The following VCAN variants were observed in gnomAD, a reference collection of about 807,000 sequenced individuals.
The protein encoded by VCAN is versican, also known as versican core protein.
VCAN carries 44 observed loss-of-function variants against 245.5 expected under a neutral mutation model. That is an observed-to-expected ratio of 0.18 (90% confidence interval 0.14 to 0.23). VCAN has a LOEUF of 0.23. Among genes scored for constraint, VCAN ranks in the 10% least tolerant of loss-of-function variants. The probability of loss-of-function intolerance (pLI) is 1.00; values close to 1 mark genes in which losing one functional copy is unlikely to be tolerated. For synonymous variants in VCAN, 1,413 were observed against 1,437.0 expected, an observed-to-expected ratio of 0.98 and a Z score of 0.38; for missense variants, 3,793 against 4,057.9, an observed-to-expected ratio of 0.93 and a Z score of 1.77.
intron 1 of VCAN, 80 bp from the exon 2 acceptor site, chr5:83,483,433 A>G (rs546149172): frequency 2.7e-6 from 3 of 1,122,826 alleles, no homozygotes; most frequent in South Asian, 2.5e-5. Context: ...ATTACATACA[A>G]TGCACAAAAA....
At chr5:83,560,864 A>G (rs1014247835) in intron 12 of VCAN, among the ~76,000 whole-genome samples, 1 of 152,096 alleles carries the variant, frequency 6.6e-6, no homozygotes, top group Non-Finnish European at 1.5e-5. Context: ...CAGCACCATC[A>G]AAGCTGACCC....
chr5:83,504,882 A>C (rs1350350618), intron 5 of VCAN, among the ~76,000 whole-genome samples: 3 of 152,196 alleles, frequency 2.0e-5, no homozygotes. Context: ...GGGAGGCCTC[A>C]GAATCGTGGC....
At chr5:83,569,522 T>C (rs180714473) in intron 12 of VCAN, among the ~76,000 whole-genome samples, 47 of 152,238 alleles carry the variant, frequency 3.1e-4, no homozygotes, top group Non-Finnish European at 4.7e-4. Flanking sequence ...TACATTCTAC[T>C]AGGAGAAAAA....
intron 3 of VCAN, among the ~76,000 whole-genome samples, chr5:83,491,693 A>G (rs1317588021): frequency 1.3e-5 from 2 of 152,148 alleles, no homozygotes; most frequent in Admixed American, 1.3e-4. Flanking sequence ...CTCTGAAACA[A>G]TGAAAATCCT....
At chr5:83,484,366 C>T (rs1215432731) in intron 2 of VCAN, among the ~76,000 whole-genome samples, 1 of 152,092 alleles carries the variant, frequency 6.6e-6, no homozygotes, top group Non-Finnish European at 1.5e-5. Context: ...GCCATCCATT[C>T]ATCTGTCCAA....
At chr5:83,574,421 A>G (rs559766352) in intron 13 of VCAN, among the ~76,000 whole-genome samples, 1 of 152,292 alleles carries the variant, frequency 6.6e-6, no homozygotes, top group East Asian at 1.9e-4. Context: ...AAAGACAATA[A>G]CAAGGTAATA....
In VCAN at chr5:83,542,023, C is replaced by T. The variant is rs918472210; in HGVS notation, c.9020C>T (p.Ser3007Phe). 1 of 1,610,032 alleles carries T rather than the reference C, an allele frequency of 6.2e-7. No individual in the cohort carries two copies. The highest frequency in any genetic ancestry group is 1.7e-5 in the Admixed American group (1 of 59,738). The change falls in exon 8 of 15, where the codon TCT becomes TTT. Residue 3007 changes from serine to phenylalanine, a missense_variant. Ser to Phe is a radical substitution (Grantham distance 155, BLOSUM62 -2). Coordinates refer to ENST00000265077, the MANE Select transcript of VCAN (RefSeq NM_004385.5). Reference sequence around the variant, plus strand: ...TCTGAGAGGCCCACGCTTTCTTCTTCTCCAGAAATAAACCCTGAAACTCAA... The same window carrying T: ...TCTGAGAGGCCCACGCTTTCTTCTTTTCCAGAAATAAACCCTGAAACTCAA... Reference protein sequence around the residue: ...QTSERPTLSSSPEINPETQAA... With the variant: ...QTSERPTLSSFPEINPETQAA...
chr5:83,500,304 G>A lies in VCAN; in HGVS notation c.748+6373G>A, dbSNP rs112166526. Among the ~76,000 whole-genome samples, 1,346 of 152,212 alleles carry A rather than the reference G, an allele frequency of 8.8e-3. 10 individuals carry two copies. Among genetic ancestry groups the A allele is most frequent in the Middle Eastern group, 0.014 (4 of 294 alleles). On this transcript the variant is annotated intron_variant, in intron 5 of 14. Transcript: ENST00000265077. ...GATGCTAAAAACTTTTTAATTATCCGTAGCTTCCTATATAGACTTTGGAGA... is the reference window on the plus strand; with the variant it reads ...GATGCTAAAAACTTTTTAATTATCCATAGCTTCCTATATAGACTTTGGAGA...
Position 83,538,077 on chromosome 5 carries a change from G to A in VCAN, c.5074G>A (p.Val1692Ile), listed in dbSNP as rs762416601. The A allele has an allele frequency of 2.5e-6, 4 of 1,613,950 alleles. No individual in the cohort carries two copies. In the East Asian group the frequency reaches 8.9e-5, roughly 36 times the overall value. The change falls in exon 8 of 15, where the codon GTT becomes ATT. Residue 1692 changes from valine (V) to isoleucine (I), a missense_variant. Physicochemically the swap from Val to Ile is conservative, Grantham distance 29. Coordinates refer to ENST00000265077, the MANE Select transcript of VCAN (RefSeq NM_004385.5). ...FEVPATTIYPVSEQPSAKVVP... is the reference protein window; with the variant it reads ...FEVPATTIYPISEQPSAKVVP... The stretch of plus-strand genomic sequence containing the variant: ...GGTTCCTGCAACCACCATTTATCCA[G>A]TTTCTGAACAACCTTCTGCAAAAGT...
chr5:83,501,837 A>T (rs1014838198), intron 5 of VCAN, among the ~76,000 whole-genome samples: 29 of 152,184 alleles, frequency 1.9e-4, no homozygotes, highest in African/African-American at 7.0e-4. Context: ...GCCAGCTAGG[A>T]TTCTGATATA....
At chr5:83,472,819 C>A (rs570557169) in intron 1 of VCAN, among the ~76,000 whole-genome samples, 1 of 152,148 alleles carries the variant, frequency 6.6e-6, no homozygotes, top group Non-Finnish European at 1.5e-5. Context: ...GTCTGGGAGG[C>A]CCCTGGGCGG....
Position 83,490,264 on chromosome 5 carries a change from A to T in VCAN, c.237A>T (p.Lys79Asn). The part of the protein sequence containing the change: ...IEVDKNGKDL[K>N]ETTVLVAQNG... ...TGGACAAAAATGGAAAAGATTTGAA[A>T]GAGACTACTGTCCTTGTGGCCCAAA... The change falls in exon 3 of 15, where the codon AAA becomes AAT. Residue 79 changes from lysine (K) to asparagine (N), a missense_variant. By Grantham distance (94) the Lys-to-Asn change is moderately conservative. Transcript: ENST00000265077. 2 of 1,614,184 alleles carry T rather than the reference A, an allele frequency of 1.2e-6. No homozygotes were observed. Among genetic ancestry groups the T allele is most frequent in the South Asian group, 2.2e-5 (2 of 91,078 alleles).
At chr5:83,477,444 T>C (rs1490233328) in intron 1 of VCAN, among the ~76,000 whole-genome samples, 1 of 152,108 alleles carries the variant, frequency 6.6e-6, no homozygotes, top group Non-Finnish European at 1.5e-5. Context: ...GATGGGTCCA[T>C]GCAAAATAAG....
rs773041819 is a variant in VCAN, at chr5:83,521,412, C to T, written c.3106C>T (p.Pro1036Ser). Residue 1036 changes from proline (P) to serine (S), a missense_variant, in exon 7 of 15, where the codon CCT (proline) becomes TCT (serine). Pro to Ser is a moderately conservative substitution (Grantham distance 74, BLOSUM62 -1). This residue lies in a region of VCAN where 3,182 missense variants were observed against 3,250.3 expected (regional missense o/e 0.98). Coordinates refer to ENST00000265077, the MANE Select transcript of VCAN (RefSeq NM_004385.5). ...ITEGTTQEEF[P>S]WKEQTAEKPV... The stretch of plus-strand genomic sequence containing the variant: ...AGAGGGAACAACTCAGGAAGAATTC[C>T]CTTGGAAAGAACAGACTGCAGAGAA... The T allele has an allele frequency of 1.2e-6, 2 of 1,614,026 alleles. No individual in the cohort carries two copies. The highest frequency in any genetic ancestry group is 1.7e-6 in the Non-Finnish European group (2 of 1,179,996).
intron 9 of VCAN, among the ~76,000 whole-genome samples, chr5:83,546,357 T>C (rs571767696): frequency 2.0e-5 from 3 of 152,272 alleles, no homozygotes; most frequent in South Asian, 4.2e-4. Flanking sequence ...AAGGTTTGCT[T>C]AATTTGCTTA....
chr5:83,506,529 C>T (rs201046989), intron 5 of VCAN, among the ~76,000 whole-genome samples: 2 of 124,550 alleles, frequency 1.6e-5, no homozygotes, highest in African/African-American at 3.3e-5. Flanking sequence ...TCAATATCAT[C>T]AGCATTTTGG....
In VCAN at chr5:83,541,011, T is replaced by C. The variant is rs1746958893; in HGVS notation, c.8008T>C (p.Phe2670Leu). Residue 2670 changes from phenylalanine (F) to leucine (L), a missense_variant, in exon 8 of 15, where the codon TTC becomes CTC. Physicochemically the swap from Phe to Leu is conservative, Grantham distance 22. Transcript: ENST00000265077. ...CCAACTAGATCACATGGGCTTTCACTTCACAACTGGGATCCCTGCTCCTAG... is the reference window on the plus strand; with the variant it reads ...CCAACTAGATCACATGGGCTTTCACCTCACAACTGGGATCCCTGCTCCTAG... The part of the protein sequence containing the change: ...RSQLDHMGFH[F>L]TTGIPAPSTE... 1.9e-6 allele frequency: 3 copies of C among 1,614,094 alleles called. No individual in the cohort carries two copies. The highest frequency in any genetic ancestry group is 1.7e-6 in the Non-Finnish European group (2 of 1,179,988).
chr5:83,517,806 T>C (rs1328958629), intron 6 of VCAN, among the ~76,000 whole-genome samples: 6 of 152,214 alleles, frequency 3.9e-5, no homozygotes, highest in Admixed American at 3.9e-4. Context: ...TATTTAAATG[T>C]ATCATAATGT....
At chr5:83,567,596 G>A (rs950752851) in intron 12 of VCAN, among the ~76,000 whole-genome samples, 6 of 152,132 alleles carry the variant, frequency 3.9e-5, no homozygotes, top group South Asian at 2.1e-4. Context: ...CACTGCACCC[G>A]GCAACTCTTT....
Sources: allele counts gnomAD v4.1 joint callset (sites outside exome capture counted in the v4.1 genomes callset), GRCh38; gene constraint gnomAD v4.1.1; regional missense constraint gnomAD v4.1.1; transcripts MANE v1.5; gene names NCBI Gene and HGNC (gene_info 2026-07-23, HGNC 2026-07-21).